Variants in DLGAP1 observed in about 807,000 individuals in gnomAD.
The protein encoded by DLGAP1 is DLG associated protein 1.
DLGAP1 carries 11 observed loss-of-function variants against 90.8 expected under a neutral mutation model. That is an observed-to-expected ratio of 0.12 (90% CI 0.08 to 0.20). The LOEUF is 0.20. Ranked by LOEUF, DLGAP1 falls within the 10% of genes least tolerant of loss-of-function variation. The probability of loss-of-function intolerance (pLI) is 1.00; values close to 1 mark genes in which losing one functional copy is unlikely to be tolerated. For synonymous variants in DLGAP1, 558 were observed against 540.7 expected, an observed-to-expected ratio of 1.03 and a Z score of -0.44; for missense variants, 1,050 against 1,333.8, an observed-to-expected ratio of 0.79 and a Z score of 3.31.
intron 2 of DLGAP1, among the ~76,000 whole-genome samples, chr18:4,034,289 G>A (rs111743648): frequency 0.021 from 3,259 of 151,922 alleles, 51 homozygotes; most frequent in East Asian, 0.061. Context: ...TGATCCACCC[G>A]CCTTGGCCTC....
In DLGAP1 at chr18:4,089,506, C is replaced by CA. The variant is rs956059432; in HGVS notation, c.-159+61673dup. On this transcript the variant is annotated intron_variant, in intron 2 of 12. Transcript: ENST00000315677. ...CCCATATAGCCAAGACAATCCTAAG[C>CA]AAAAAAAACAAAGCTGAAGCCATCC... 9.2e-5 allele frequency among the ~76,000 whole-genome samples: 14 copies of CA among 151,694 alleles called. No homozygotes were observed. In the East Asian group the frequency reaches 1.4e-3, roughly 15 times the overall value.
At chr18:3,504,821 T>C (rs1177131767) in intron 11 of DLGAP1, among the ~76,000 whole-genome samples, 1 of 152,158 alleles carries the variant, frequency 6.6e-6, no homozygotes, top group South Asian at 2.1e-4. Context: ...ATTCTCCAAA[T>C]CAGTGAGTCA....
intron 1 of DLGAP1, among the ~76,000 whole-genome samples, chr18:4,408,017 G>T (rs1404339638): frequency 6.6e-6 from 1 of 152,144 alleles, no homozygotes. Context: ...AAAGAATTTA[G>T]AGTTGAGTAA....
At chr18:3,757,943 G>A (rs1434174366) in intron 5 of DLGAP1, among the ~76,000 whole-genome samples, 3 of 151,914 alleles carry the variant, frequency 2.0e-5, no homozygotes, top group Non-Finnish European at 2.9e-5. Flanking sequence ...GTGAAACCTC[G>A]TCTCTACTAA....
chr18:3,897,983 A>G (rs969014037), intron 3 of DLGAP1, among the ~76,000 whole-genome samples: 8 of 151,366 alleles, frequency 5.3e-5, no homozygotes, highest in East Asian at 2.0e-4. Flanking sequence ...TTTAGTAGAG[A>G]CGGGGTTTCA....
chr18:3,829,145 A>G (rs2067893462), intron 4 of DLGAP1, among the ~76,000 whole-genome samples: 1 of 152,254 alleles, frequency 6.6e-6, no homozygotes, highest in Non-Finnish European at 1.5e-5. Context: ...GACTCTACTT[A>G]GACCAGACAT....
intron 2 of DLGAP1, among the ~76,000 whole-genome samples, chr18:4,067,850 C>G (rs1013571256): frequency 6.6e-6 from 1 of 151,994 alleles, no homozygotes; most frequent in South Asian, 2.1e-4. Context: ...CAATGTACAC[C>G]TTACATGTAT....
At chr18:4,011,132 C>T (rs1200876793) in intron 2 of DLGAP1, among the ~76,000 whole-genome samples, 9 of 141,148 alleles carry the variant, frequency 6.4e-5, no homozygotes, top group East Asian at 2.2e-4. Context: ...GCCGAGATGG[C>T]GTCATTGCAC....
chr18:4,414,573 A>C (rs538860964), intron 1 of DLGAP1, among the ~76,000 whole-genome samples: 3 of 152,214 alleles, frequency 2.0e-5, no homozygotes, highest in East Asian at 3.9e-4. Context: ...AATAAATACA[A>C]AAATTAGCCA....
intron 7 of DLGAP1, among the ~76,000 whole-genome samples, chr18:3,628,221 G>A (rs546245254): frequency 3.6e-5 from 5 of 138,266 alleles, no homozygotes; most frequent in South Asian, 4.5e-4. Flanking sequence ...ACGGAGTCTC[G>A]CTCTGTCACC....
At chr18:4,046,865 C>A (rs1294128797) in intron 2 of DLGAP1, among the ~76,000 whole-genome samples, 1 of 152,158 alleles carries the variant, frequency 6.6e-6, no homozygotes, top group African/African-American at 2.4e-5. Flanking sequence ...GGCAACAGTG[C>A]CTTTACCTTT....
chr18:4,107,157 C>A (rs1314150385), intron 2 of DLGAP1, among the ~76,000 whole-genome samples: 1 of 152,238 alleles, frequency 6.6e-6, no homozygotes, highest in Non-Finnish European at 1.5e-5. Context: ...TGCCTCTTTG[C>A]TGAAGCAAAA....
At chr18:4,353,115 G>A (rs77795263) in intron 1 of DLGAP1, among the ~76,000 whole-genome samples, 176 of 152,290 alleles carry the variant, frequency 1.2e-3, no homozygotes, top group Non-Finnish European at 2.0e-3. Flanking sequence ...TCAGGAATTT[G>A]TAGCATTTAA....
At chr18:4,274,321 C>T (rs1443008581) in intron 1 of DLGAP1, among the ~76,000 whole-genome samples, 1 of 152,072 alleles carries the variant, frequency 6.6e-6, no homozygotes, top group Non-Finnish European at 1.5e-5. Flanking sequence ...TGAGTTTCCC[C>T]AATTTTTTCC....
At chr18:3,958,264 C>T (rs983921558) in intron 3 of DLGAP1, among the ~76,000 whole-genome samples, 24 of 151,830 alleles carry the variant, frequency 1.6e-4, no homozygotes, top group African/African-American at 5.3e-4. Flanking sequence ...GTTATGTATG[C>T]CTGTAATCCC....
intron 1 of DLGAP1, among the ~76,000 whole-genome samples, chr18:4,421,737 C>T (rs1372165204): frequency 6.6e-6 from 1 of 152,058 alleles, no homozygotes; most frequent in Non-Finnish European, 1.5e-5. Flanking sequence ...GGGATGGAGT[C>T]TCACTCTGTC....
chr18:3,982,277 T>C (rs2073747743), intron 3 of DLGAP1, among the ~76,000 whole-genome samples: 1 of 152,178 alleles, frequency 6.6e-6, no homozygotes, highest in Non-Finnish European at 1.5e-5. Flanking sequence ...AAAATGTTTA[T>C]CTCTAAAAGT....
At chr18:3,974,263 A>G (rs1481645112) in intron 3 of DLGAP1, among the ~76,000 whole-genome samples, 1 of 151,932 alleles carries the variant, frequency 6.6e-6, no homozygotes, top group Admixed American at 6.6e-5. Flanking sequence ...TTTAGTAGAG[A>G]CTGGGTTTCA....
At chr18:3,649,410 G>A (rs1486031154) in intron 7 of DLGAP1, among the ~76,000 whole-genome samples, 1 of 152,216 alleles carries the variant, frequency 6.6e-6, no homozygotes, top group Non-Finnish European at 1.5e-5. Flanking sequence ...GGAGAAGCAA[G>A]GATTTATAAA....
Sources: gnomAD v4.1 joint callset for allele counts (sites outside exome capture counted in the v4.1 genomes callset) on GRCh38, gnomAD v4.1.1 for gene constraint, MANE v1.5 for transcripts, NCBI Gene and HGNC (gene_info 2026-07-23, HGNC 2026-07-21) for gene names.